LRBA: variants seen among roughly 807,000 people sequenced by gnomAD.
LRBA encodes the protein lipopolysaccharide-responsive and beige-like anchor protein.
In LRBA, 176 loss-of-function variants were observed where a neutral mutation model predicts 330.0. That is an observed-to-expected ratio of 0.53 (90% CI 0.47 to 0.60). The LOEUF (loss-of-function observed/expected upper bound fraction) is 0.60. Among genes scored for constraint, LRBA ranks in the 20% least tolerant of loss-of-function variants. The pLI is 0.00. For missense variants in LRBA, 3,259 were observed against 3,444.8 expected (o/e 0.95, Z 1.35); for synonymous variants, 1,230 against 1,193.0 (o/e 1.03, Z -0.64).
At chr4:150,690,006 T>TA (rs1262742590) in intron 36 of LRBA, among the ~76,000 whole-genome samples, 1 of 151,930 alleles carries the variant, frequency 6.6e-6, no homozygotes, top group Non-Finnish European at 1.5e-5. Context: ...ACAGATCTTA[T>TA]AAAAAATAAA....
intron 49 of LRBA, among the ~76,000 whole-genome samples, chr4:150,323,025 G>GTGTGTGTGTGTGTGTGTGT (rs373782725): frequency 2.9e-4 from 41 of 142,520 alleles, no homozygotes; most frequent in African/African-American, 4.4e-4. Context: ...GTGTGTGTGT[G>GTGTGTGTGTGTGTGTGTGT]GGGATGCATT....
intron 2 of LRBA, among the ~76,000 whole-genome samples, chr4:150,989,149 C>T (rs1020694297): frequency 3.3e-5 from 5 of 151,874 alleles, no homozygotes; most frequent in Middle Eastern, 3.4e-3. Context: ...ACTACAGGCA[C>T]GCACCACCAC....
chr4:150,865,924 C>T (rs1338659269), intron 22 of LRBA, among the ~76,000 whole-genome samples: 1 of 152,126 alleles, frequency 6.6e-6, no homozygotes, highest in Non-Finnish European at 1.5e-5. Context: ...CCATGTTGGC[C>T]AGGCTAGTCT....
rs987971094 is a variant in LRBA at position 150,322,724 on chromosome 4, C to T, written c.7453-1356G>A. Among the ~76,000 whole-genome samples the T allele has an allele frequency of 2.0e-5, 3 of 152,176 alleles. 1 individual carries two copies. The highest frequency in any genetic ancestry group is 1.3e-4 in the Admixed American group (2 of 15,270). ...TAAGCTACCCGGACACCCTTCTGAG[C>T]AAGTGGCTAAAAGCCAATCAATATT... is the stretch of plus-strand genomic sequence containing the variant. On this transcript the variant is annotated intron_variant, in intron 49 of 56. Transcript: ENST00000651943.
intron 35 of LRBA, among the ~76,000 whole-genome samples, chr4:150,739,425 G>A (rs778510528): frequency 2.0e-5 from 3 of 152,110 alleles, no homozygotes; most frequent in Non-Finnish European, 4.4e-5. Context: ...ATCATACTCA[G>A]TATGTTCTTT....
chr4:150,278,737 A>ATAAT (rs1747132188), intron 55 of LRBA, among the ~76,000 whole-genome samples: 1 of 152,200 alleles, frequency 6.6e-6, no homozygotes, highest in Non-Finnish European at 1.5e-5. Flanking sequence ...CCTGTTTCAT[A>ATAAT]TAATTGTTTA....
chr4:150,793,534 T>G (rs1740303585), intron 34 of LRBA, among the ~76,000 whole-genome samples: 1 of 152,204 alleles, frequency 6.6e-6, no homozygotes, highest in African/African-American at 2.4e-5. Context: ...TTACCATTGA[T>G]TTATCAATTA....
chr4:150,494,484 A>G (rs943862086), intron 40 of LRBA, among the ~76,000 whole-genome samples: 3 of 152,260 alleles, frequency 2.0e-5, no homozygotes, highest in African/African-American at 7.2e-5. Flanking sequence ...TCATACAACT[A>G]AAGATTTAAT....
intron 2 of LRBA, among the ~76,000 whole-genome samples, chr4:151,005,319 C>A (rs929894589): frequency 1.3e-5 from 2 of 151,066 alleles, no homozygotes; most frequent in African/African-American, 4.9e-5. Flanking sequence ...GTGGCAGGCG[C>A]CTGTAATCCC....
At chr4:150,313,453 T>A (rs28680477) in intron 51 of LRBA, among the ~76,000 whole-genome samples, 6,638 of 152,216 alleles carry the variant, frequency 0.044, 233 homozygotes, top group East Asian at 0.18. Context: ...AGATGTCAAC[T>A]TAAAAATTGT....
intron 36 of LRBA, among the ~76,000 whole-genome samples, chr4:150,717,724 T>C (rs1728422905): frequency 8.1e-6 from 1 of 124,162 alleles, no homozygotes; most frequent in South Asian, 2.5e-4. Flanking sequence ...ATGGTCTTTA[T>C]TTAATAAAAA....
chr4:150,909,833 T>C (rs1298830432), intron 9 of LRBA, among the ~76,000 whole-genome samples: 1 of 152,172 alleles, frequency 6.6e-6, no homozygotes, highest in Non-Finnish European at 1.5e-5. Flanking sequence ...GTTATTTTGT[T>C]TTCTTTTTTA....
At chr4:150,853,613 C>G (rs962252268) in intron 22 of LRBA, among the ~76,000 whole-genome samples, 1 of 152,138 alleles carries the variant, frequency 6.6e-6, no homozygotes, top group Non-Finnish European at 1.5e-5. Context: ...ATATATTAGG[C>G]ACCGTGAACA....
chr4:150,702,850 A>T (rs1785243532), intron 36 of LRBA, among the ~76,000 whole-genome samples: 1 of 152,230 alleles, frequency 6.6e-6, no homozygotes, highest in Admixed American at 6.5e-5. Context: ...TTAAGTTCAG[A>T]AATAATTTTC....
In LRBA at chr4:150,585,820, G is replaced by C. The variant is rs565302462; in HGVS notation, c.6330+2228C>G. ...AAAGATCAGAGGAAGAAGTTTGAGA[G>C]GGGGAAGGGCTGTATGGAGGGATGA... On this transcript the variant is annotated intron_variant, in intron 40 of 56. Coordinates refer to ENST00000651943, the MANE Select transcript of LRBA (RefSeq NM_001364905.1). 1.1e-4 allele frequency among the ~76,000 whole-genome samples: 16 copies of C among 152,284 alleles called. 1 individual carries two copies. In the South Asian group the frequency reaches 3.3e-3, roughly 32 times the overall value.
At chr4:150,775,931 A>G (rs1028028270) in intron 34 of LRBA, among the ~76,000 whole-genome samples, 1 of 151,868 alleles carries the variant, frequency 6.6e-6, no homozygotes, top group Non-Finnish European at 1.5e-5. Context: ...GAAGAGGAGA[A>G]AAGAGGGGAG....
chr4:150,418,143 A>G (rs1433025981), intron 46 of LRBA, among the ~76,000 whole-genome samples: 1 of 151,786 alleles, frequency 6.6e-6, no homozygotes, highest in Admixed American at 6.6e-5. Context: ...TTAGCCTCCC[A>G]AGTGGCTAGG....
chr4:150,451,169 G>A (rs1404349441), intron 44 of LRBA, among the ~76,000 whole-genome samples: 1 of 152,102 alleles, frequency 6.6e-6, no homozygotes, highest in Non-Finnish European at 1.5e-5. Flanking sequence ...AAATCAGTAC[G>A]GATACAGAAG....
At chr4:150,677,905 A>C (rs1267031111) in intron 37 of LRBA, among the ~76,000 whole-genome samples, 2 of 152,168 alleles carry the variant, frequency 1.3e-5, no homozygotes, top group African/African-American at 4.8e-5. Flanking sequence ...GTACATCACA[A>C]ATATACAAAA....
Sources: allele counts gnomAD v4.1 joint callset (sites outside exome capture counted in the v4.1 genomes callset), GRCh38; gene constraint gnomAD v4.1.1; transcripts MANE v1.5; gene names NCBI Gene and HGNC (gene_info 2026-07-23, HGNC 2026-07-21).